GRID2: variants seen among roughly 807,000 people sequenced by gnomAD.
GRID2 encodes the protein glutamate ionotropic receptor delta type subunit 2.
A neutral mutation model predicts 114.8 loss-of-function variants in GRID2; 33 were observed. The ratio of observed to expected loss-of-function variants is 0.29; its 90% CI spans 0.22 to 0.38. GRID2 has a LOEUF of 0.38. Among genes scored for constraint, GRID2 ranks in the 10% least tolerant of loss-of-function variants. The pLI, the probability that GRID2 is intolerant of heterozygous loss-of-function variation, is 1.00. For missense variants in GRID2, 1,184 were observed against 1,257.7 expected, an observed-to-expected ratio of 0.94 and a Z score of 0.89; for synonymous variants, 505 against 449.9, an observed-to-expected ratio of 1.12 and a Z score of -1.55.
chr4:93,468,537 A>G (rs1268492246), intron 11 of GRID2, among the ~76,000 whole-genome samples: 2 of 152,168 alleles, frequency 1.3e-5, no homozygotes, highest in African/African-American at 4.8e-5. Flanking sequence ...AAGGATAGGA[A>G]GGAATATACT....
At chr4:92,732,817 T>C (rs1352834469) in intron 2 of GRID2, among the ~76,000 whole-genome samples, 1 of 152,132 alleles carries the variant, frequency 6.6e-6, no homozygotes, top group African/African-American at 2.4e-5. Context: ...ATTATAAGTT[T>C]ATAGATTAAG....
chr4:93,422,177 A>C (rs750318590), intron 9 of GRID2, among the ~76,000 whole-genome samples: 10 of 152,222 alleles, frequency 6.6e-5, no homozygotes, highest in Middle Eastern at 3.2e-3. Context: ...TAAATTAGAC[A>C]GTTTATTGAA....
chr4:93,259,553 C>T (rs946067315), intron 8 of GRID2, among the ~76,000 whole-genome samples: 1 of 151,656 alleles, frequency 6.6e-6, no homozygotes, highest in Non-Finnish European at 1.5e-5. Flanking sequence ...TTTTCAAAGC[C>T]AAGTGCACAG....
chr4:92,305,231 G>T (rs1725315655), intron 1 of GRID2, among the ~76,000 whole-genome samples: 1 of 152,152 alleles, frequency 6.6e-6, no homozygotes. Context: ...ACGTGAGCCG[G>T]CTGAGTTCGC....
intron 2 of GRID2, among the ~76,000 whole-genome samples, chr4:92,990,145 G>A (rs1415837765): frequency 6.6e-6 from 1 of 151,216 alleles, no homozygotes; most frequent in Admixed American, 6.6e-5. Flanking sequence ...TTATGTTGGT[G>A]TATAGCAAAA....
chr4:92,310,976 T>C (rs1725676213), intron 1 of GRID2, among the ~76,000 whole-genome samples: 1 of 152,122 alleles, frequency 6.6e-6, no homozygotes, highest in African/African-American at 2.4e-5. Flanking sequence ...ACAAGAATTA[T>C]GTACATTTCT....
At chr4:93,621,815 A>T (rs1158861214) in intron 13 of GRID2, among the ~76,000 whole-genome samples, 1 of 152,194 alleles carries the variant, frequency 6.6e-6, no homozygotes, top group Non-Finnish European at 1.5e-5. Flanking sequence ...CTATAATCAC[A>T]CTGTTTTAAT....
intron 8 of GRID2, among the ~76,000 whole-genome samples, chr4:93,298,188 A>G (rs1470911493): frequency 6.6e-6 from 1 of 152,176 alleles, no homozygotes; most frequent in African/African-American, 2.4e-5. Context: ...TGAATCTAGC[A>G]GTTGTTCTTG....
chr4:92,313,454 C>T (rs1365556521), intron 1 of GRID2, among the ~76,000 whole-genome samples: 2 of 151,128 alleles, frequency 1.3e-5, no homozygotes, highest in Admixed American at 6.6e-5. Context: ...ACCACCTGTA[C>T]CCCAATAACT....
chr4:93,193,174 C>A (rs1347338833), intron 4 of GRID2, among the ~76,000 whole-genome samples: 1 of 152,176 alleles, frequency 6.6e-6, no homozygotes, highest in Non-Finnish European at 1.5e-5. Context: ...AGCCAGCCTG[C>A]TTAATGACTG....
At chr4:92,693,845 A>T (rs1403622559) in intron 2 of GRID2, among the ~76,000 whole-genome samples, 2 of 152,234 alleles carry the variant, frequency 1.3e-5, no homozygotes, top group Admixed American at 1.3e-4. Context: ...GATAGATTAA[A>T]ATGTATGAGA....
chr4:92,330,751 T>G (rs1726843110), intron 1 of GRID2, among the ~76,000 whole-genome samples: 2 of 151,954 alleles, frequency 1.3e-5, no homozygotes, highest in African/African-American at 4.8e-5. Flanking sequence ...ATATATATAA[T>G]CATATAGCCT....
chr4:92,894,162 A>C (rs1292729238), intron 2 of GRID2, among the ~76,000 whole-genome samples: 2 of 152,190 alleles, frequency 1.3e-5, no homozygotes, highest in Non-Finnish European at 2.9e-5. Flanking sequence ...ATGGTAGAGA[A>C]ATATGGACCA....
intron 1 of GRID2, among the ~76,000 whole-genome samples, chr4:92,452,728 T>G (rs542433077): frequency 6.6e-6 from 1 of 151,856 alleles, no homozygotes; most frequent in African/African-American, 2.4e-5. Context: ...GAACTTGTAT[T>G]TGGAAGTACT....
chr4:93,156,055 A>G (rs113405254), intron 4 of GRID2, among the ~76,000 whole-genome samples: 4 of 151,922 alleles, frequency 2.6e-5, no homozygotes, highest in African/African-American at 7.2e-5. Context: ...TACATATTGT[A>G]TGCCGGTATC....
chr4:92,356,554 T>C (rs1440158400), intron 1 of GRID2, among the ~76,000 whole-genome samples: 1 of 151,686 alleles, frequency 6.6e-6, no homozygotes, highest in African/African-American at 2.4e-5. Context: ...TATTTATATG[T>C]AGATAAATAC....
intron 14 of GRID2, among the ~76,000 whole-genome samples, chr4:93,683,214 T>G (rs1266027853): frequency 6.6e-6 from 1 of 152,040 alleles, no homozygotes; most frequent in Non-Finnish European, 1.5e-5. Context: ...CCTATAGGCC[T>G]GCTTCTAAAC....
intron 2 of GRID2, among the ~76,000 whole-genome samples, chr4:92,867,994 A>T (rs774973857): frequency 6.6e-6 from 1 of 151,982 alleles, no homozygotes; most frequent in Non-Finnish European, 1.5e-5. Context: ...GGTGTAGGTG[A>T]TAGGCAAATG....
chr4:93,282,576 A>G (rs1272340622), intron 8 of GRID2, among the ~76,000 whole-genome samples: 2 of 152,026 alleles, frequency 1.3e-5, no homozygotes, highest in African/African-American at 4.8e-5. Context: ...AATCAATGAT[A>G]GCAGAGTCTT....
Sources: allele counts gnomAD v4.1 joint callset (sites outside exome capture counted in the v4.1 genomes callset), GRCh38; gene constraint gnomAD v4.1.1; transcripts MANE v1.5; gene names NCBI Gene and HGNC (gene_info 2026-07-23, HGNC 2026-07-21).